CACNG3: variants seen among roughly 807,000 people sequenced by gnomAD.
CACNG3 encodes the protein voltage-dependent calcium channel gamma-3 subunit.
In CACNG3, 3 loss-of-function variants were observed where a neutral mutation model predicts 28.5. The ratio of observed to expected loss-of-function variants is 0.11; its 90% confidence interval spans 0.05 to 0.27. The LOEUF (loss-of-function observed/expected upper bound fraction) is 0.27, where lower values mean the gene tolerates loss of function less well. Among genes scored for constraint, CACNG3 ranks in the 10% least tolerant of loss-of-function variants. The pLI is 1.00. For synonymous variants in CACNG3, 174 were observed against 162.2 expected (o/e 1.07, Z -0.55); for missense variants, 236 against 414.4 (o/e 0.57, Z 3.74).
intron 1 of CACNG3, among the ~76,000 whole-genome samples, chr16:24,327,126 CAA>C (rs57918697): frequency 5.0e-4 from 18 of 35,824 alleles, no homozygotes; most frequent in Admixed American, 2.9e-3. Flanking sequence ...GGCTCCAAAC[CAA>C]AAAAAAAAAA....
intron 1 of CACNG3, among the ~76,000 whole-genome samples, chr16:24,325,929 A>G (rs924000905): frequency 2.0e-5 from 3 of 152,236 alleles, no homozygotes; most frequent in Admixed American, 6.5e-5. Flanking sequence ...CTATTGGCTG[A>G]TGGAACTGAA....
At position 24,361,835 on chromosome 16, in the gene CACNG3, C is replaced by T. The variant is rs762148926; in HGVS notation, c.920C>T (p.Pro307Leu). The change falls in exon 4 of 4, where the codon CCG becomes CTG. Residue 307 changes from proline to leucine, a missense_variant. Coordinates refer to ENST00000005284, the MANE Select transcript of CACNG3 (RefSeq NM_006539.4). This position sits in a 1 kb window ranked among gnomAD's most constrained non-coding sequence, Gnocchi z 6.8. Reference sequence around the variant, plus strand: ...TTCAAAGAGTCACTGCATAATAATCCGGCCAACAGGCGCACCACGCCCGTC... The same window carrying T: ...TTCAAAGAGTCACTGCATAATAATCTGGCCAACAGGCGCACCACGCCCGTC... ...KEFKESLHNN[P>L]ANRRTTPV The T allele has an allele frequency of 3.1e-6, 5 of 1,611,344 alleles. No homozygotes were observed. Among genetic ancestry groups the T allele is most frequent in the South Asian group, 1.1e-5 (1 of 91,048 alleles).
chr16:24,311,226 A>G (rs1261896820), intron 1 of CACNG3, among the ~76,000 whole-genome samples: 1 of 152,150 alleles, frequency 6.6e-6, no homozygotes, highest in African/African-American at 2.4e-5. Flanking sequence ...TGCCATTAAA[A>G]AGTACCAAGT....
rs1269086256 is a variant in CACNG3, at chr16:24,265,383, AAAAGAAAGAAG to A, written c.211+8429_211+8439del. On this transcript the variant is annotated intron_variant, in intron 1 of 3. Transcript: ENST00000005284. ...AGAAAGAAAGAAAAAAGAAAGAAAG[AAAAGAAAGAAG>A]AAAGAAAGAAAAAGAAAGAAGAAAG... Among the ~76,000 whole-genome samples the A allele has an allele frequency of 2.7e-5, 4 of 150,648 alleles. No homozygotes were observed. The East Asian group carries it at 7.7e-4, about 29-fold the overall frequency.
chr16:24,295,606 G>A lies in CACNG3; in HGVS notation c.211+38641G>A, dbSNP rs905718270. ...TCATGTCTGTAATCCAAGCACTTTG[G>A]GAGACTGAGGAAGGAAGATTACTTG... On this transcript the variant is annotated intron_variant, in intron 1 of 3. Transcript: ENST00000005284. Among the ~76,000 whole-genome samples the A allele has an allele frequency of 3.3e-5, 5 of 152,184 alleles. No individual in the cohort carries two copies. The South Asian group carries it at 1.0e-3, about 32-fold the overall frequency.
chr16:24,312,543 C>A (rs1212291090), intron 1 of CACNG3, among the ~76,000 whole-genome samples: 1 of 152,030 alleles, frequency 6.6e-6, no homozygotes, highest in Admixed American at 6.6e-5. Context: ...TGGCCAGGCA[C>A]GGTGGCTCAC....
intron 1 of CACNG3, among the ~76,000 whole-genome samples, chr16:24,311,369 G>A (rs115769720): frequency 0.012 from 1,882 of 152,086 alleles, 42 homozygotes; most frequent in African/African-American, 0.043. Context: ...AAATTAGCCA[G>A]CATGGTGGCA....
chr16:24,297,298 A>G (rs1478081042), intron 1 of CACNG3, among the ~76,000 whole-genome samples: 1 of 151,736 alleles, frequency 6.6e-6, no homozygotes, highest in Non-Finnish European at 1.5e-5. Context: ...AAATAAATAA[A>G]TAAAAATACT....
At chr16:24,327,813 G>A (rs1385733356) in intron 1 of CACNG3, among the ~76,000 whole-genome samples, 1 of 151,862 alleles carries the variant, frequency 6.6e-6, no homozygotes, top group African/African-American at 2.4e-5. Context: ...ATAGTGGTGA[G>A]CAACTGTAGT....
At chr16:24,315,624 TTC>T (rs1424912187) in intron 1 of CACNG3, among the ~76,000 whole-genome samples, 1 of 151,754 alleles carries the variant, frequency 6.6e-6, no homozygotes, top group East Asian at 1.9e-4. Flanking sequence ...TTCTTTCTTT[TTC>T]TCTCTCTTCC....
At chr16:24,350,046 A>G (rs1003163289) in intron 2 of CACNG3, among the ~76,000 whole-genome samples, 1 of 152,344 alleles carries the variant, frequency 6.6e-6, no homozygotes, top group South Asian at 2.1e-4. Context: ...TGGGGGGAGA[A>G]ACAGGGAAGG....
At chr16:24,326,472 A>G (rs1899546494) in intron 1 of CACNG3, among the ~76,000 whole-genome samples, 1 of 152,166 alleles carries the variant, frequency 6.6e-6, no homozygotes, top group African/African-American at 2.4e-5. Flanking sequence ...CACCCGGCCA[A>G]AATTTTTCTT....
intron 1 of CACNG3, among the ~76,000 whole-genome samples, chr16:24,309,412 A>T (rs1338534146): frequency 6.6e-6 from 1 of 152,190 alleles, no homozygotes; most frequent in Non-Finnish European, 1.5e-5. Context: ...CACTCTTTAC[A>T]AAAAGCTATG....
rs143442879 is a variant in CACNG3, at chr16:24,271,349, T to C, written c.211+14384T>C. Among the ~76,000 whole-genome samples the C allele has an allele frequency of 7.5e-4, 114 of 152,358 alleles. No individual in the cohort carries two copies. The East Asian group carries it at 0.017, about 22-fold the overall frequency. The stretch of plus-strand genomic sequence containing the variant: ...TGAAGACAAGTCCGTGGTCCCTTAT[T>C]ATTTTTCAGTATTTCATTTCTCATT... On this transcript the variant is annotated intron_variant, in intron 1 of 3. Transcript: ENST00000005284.
intron 1 of CACNG3, among the ~76,000 whole-genome samples, chr16:24,340,584 G>A (rs529776424): frequency 2.9e-4 from 44 of 152,188 alleles, no homozygotes; most frequent in African/African-American, 5.5e-4. Context: ...AAGAGTATCC[G>A]CTTAAGGACA....
intron 1 of CACNG3, among the ~76,000 whole-genome samples, chr16:24,285,451 C>T (rs183686360): frequency 1.1e-4 from 16 of 152,284 alleles, no homozygotes; most frequent in African/African-American, 3.4e-4. Context: ...AAGTAACTAC[C>T]GTTAACTGCT....
rs563879303 is a variant in CACNG3, at chr16:24,307,051, A to G, written c.212-39683A>G. Among the ~76,000 whole-genome samples, 6 of 152,176 alleles carry G rather than the reference A, an allele frequency of 3.9e-5. No homozygotes were observed. In the South Asian group the frequency reaches 1.2e-3, roughly 32 times the overall value. ...GCTTCCCAGAGGCTTCCCACATCCA[A>G]TAGCTGGGCAGTATGAGGGTATAGA... is the stretch of plus-strand genomic sequence containing the variant. On this transcript the variant is annotated intron_variant, in intron 1 of 3. Transcript: ENST00000005284.
intron 1 of CACNG3, among the ~76,000 whole-genome samples, chr16:24,342,859 A>T (rs993607048): frequency 6.6e-6 from 1 of 152,062 alleles, no homozygotes; most frequent in Non-Finnish European, 1.5e-5. Context: ...GGCTGTACAA[A>T]CGTGGGTAGT....
chr16:24,313,322 A>G (rs1899300811), intron 1 of CACNG3, among the ~76,000 whole-genome samples: 1 of 152,218 alleles, frequency 6.6e-6, no homozygotes, highest in Non-Finnish European at 1.5e-5. Context: ...TGAAACTCAG[A>G]AAGGCCAAAC....
Sources: gnomAD v4.1 joint callset for allele counts (sites outside exome capture counted in the v4.1 genomes callset) on GRCh38, gnomAD v4.1.1 for gene constraint, Gnocchi (gnomAD v3.1) non-coding constraint, MANE v1.5 for transcripts, NCBI Gene and HGNC (gene_info 2026-07-23, HGNC 2026-07-21) for gene names.